Variants in RPS6KC1 observed in about 807,000 individuals in gnomAD.
The protein encoded by RPS6KC1 is inactive ribosomal protein S6 kinase delta-1.
RPS6KC1 carries 54 observed loss-of-function variants against 103.8 expected under a neutral mutation model. The observed-to-expected ratio is 0.52, with a 90% CI of 0.42 to 0.65. The LOEUF (loss-of-function observed/expected upper bound fraction) is 0.65, where lower values mean the gene tolerates loss of function less well. Ranked by LOEUF, RPS6KC1 falls within the 30% of genes least tolerant of loss-of-function variation. The pLI, the probability that RPS6KC1 is intolerant of heterozygous loss-of-function variation, is 0.00. For synonymous variants in RPS6KC1, 439 were observed against 438.7 expected (o/e 1.00, Z -0.01); for missense variants, 1,151 against 1,253.8 (o/e 0.92, Z 1.24).
At chr1:213,777,287 G>A in the RPS6KC1 span, among the ~76,000 whole-genome samples, 4 of 152,068 alleles carry the variant, frequency 2.6e-5, no homozygotes, top group Non-Finnish European at 4.4e-5. Flanking sequence ...TCTAGCTTTC[G>A]ATTTAAAGTG....
the RPS6KC1 span, among the ~76,000 whole-genome samples, chr1:213,567,948 G>T: frequency 6.6e-6 from 1 of 152,158 alleles, no homozygotes; most frequent in Non-Finnish European, 1.5e-5. Flanking sequence ...ATGTCTTTGA[G>T]GAGCCTTTTG....
downstream of RPS6KC1, among the ~76,000 whole-genome samples, chr1:213,278,256 A>G (rs1330435345): frequency 6.6e-6 from 1 of 152,126 alleles, no homozygotes; most frequent in Non-Finnish European, 1.5e-5. Context: ...GGAATCCACA[A>G]GACAGATGTT....
chr1:213,831,951 C>A, the RPS6KC1 span, among the ~76,000 whole-genome samples: 1 of 152,162 alleles, frequency 6.6e-6, no homozygotes, highest in African/African-American at 2.4e-5. Context: ...GATACAGGCT[C>A]CAGCCCACCT....
At chr1:213,398,196 C>CTTTT in the RPS6KC1 span, among the ~76,000 whole-genome samples, 2 of 109,450 alleles carry the variant, frequency 1.8e-5, no homozygotes, top group African/African-American at 4.6e-5. Flanking sequence ...CACACCTGGC[C>CTTTT]TTTTTTTTTT....
At chr1:213,764,930 C>T in the RPS6KC1 span, among the ~76,000 whole-genome samples, 2 of 152,214 alleles carry the variant, frequency 1.3e-5, no homozygotes, top group African/African-American at 4.8e-5. Flanking sequence ...CCATTTCCTT[C>T]CATGAAATCT....
At chr1:213,066,339 C>T (rs554977398) in intron 1 of RPS6KC1, among the ~76,000 whole-genome samples, 1 of 152,340 alleles carries the variant, frequency 6.6e-6, no homozygotes, top group South Asian at 2.1e-4. Flanking sequence ...ACAGTTTTCA[C>T]TAAGCTTTAG....
the RPS6KC1 span, among the ~76,000 whole-genome samples, chr1:213,762,429 T>C: frequency 6.6e-6 from 1 of 152,190 alleles, no homozygotes. Flanking sequence ...ATAAATGTTG[T>C]TGAATGAATG....
chr1:213,314,656 C>CTTTTTTTTTTTTT, the RPS6KC1 span, among the ~76,000 whole-genome samples: 1 of 132,220 alleles, frequency 7.6e-6, no homozygotes. Context: ...ACCACGGTGG[C>CTTTTTTTTTTTTT]TTTTTTTTTT....
At chr1:213,636,774 T>A in the RPS6KC1 span, among the ~76,000 whole-genome samples, 9 of 152,132 alleles carry the variant, frequency 5.9e-5, no homozygotes, top group East Asian at 1.7e-3. Flanking sequence ...TGGGATCTAA[T>A]TAAACTAAAG....
the RPS6KC1 span, among the ~76,000 whole-genome samples, chr1:213,759,333 T>C: frequency 6.6e-6 from 1 of 152,352 alleles, no homozygotes; most frequent in South Asian, 2.1e-4. Flanking sequence ...ACAACTTTTA[T>C]ATGCACTGGA....
the RPS6KC1 span, among the ~76,000 whole-genome samples, chr1:213,413,605 T>C: frequency 7.2e-5 from 11 of 152,244 alleles, no homozygotes; most frequent in Non-Finnish European, 1.0e-4. Flanking sequence ...TATCCATGCG[T>C]ACATCCTCAT....
chr1:213,678,300 C>A, the RPS6KC1 span, among the ~76,000 whole-genome samples: 1 of 152,208 alleles, frequency 6.6e-6, no homozygotes, highest in South Asian at 2.1e-4. Flanking sequence ...GACACACTAG[C>A]CCCTGCATTA....
the RPS6KC1 span, among the ~76,000 whole-genome samples, chr1:213,853,783 A>G: frequency 6.6e-6 from 1 of 152,206 alleles, no homozygotes; most frequent in African/African-American, 2.4e-5. Context: ...GCCAGTCTGG[A>G]GTTGGCTGTG....
At chr1:213,366,639 T>C in the RPS6KC1 span, among the ~76,000 whole-genome samples, 1 of 152,164 alleles carries the variant, frequency 6.6e-6, no homozygotes, top group Non-Finnish European at 1.5e-5. Flanking sequence ...AAGCAGACAG[T>C]GGGCTGGATT....
chr1:213,799,072 G>T, the RPS6KC1 span, among the ~76,000 whole-genome samples: 4 of 152,168 alleles, frequency 2.6e-5, no homozygotes, highest in African/African-American at 9.7e-5. Flanking sequence ...CTGGGTTAAG[G>T]TTACTCTAAG....
At chr1:213,320,763 C>G in the RPS6KC1 span, among the ~76,000 whole-genome samples, 1 of 152,226 alleles carries the variant, frequency 6.6e-6, no homozygotes, top group Non-Finnish European at 1.5e-5. Context: ...TGGGAGACTT[C>G]TGGGGAACCA....
chr1:213,736,690 G>A, the RPS6KC1 span, among the ~76,000 whole-genome samples: 671 of 152,238 alleles, frequency 4.4e-3, 7 homozygotes, highest in Middle Eastern at 0.041. Flanking sequence ...ACCTTACTGG[G>A]ATTCTCTCCC....
rs377025504 is a variant in RPS6KC1, at chr1:213,217,315, A to G, written c.1045-13182A>G. ...TTGACACATACACCCTCCCAAGACT[A>G]AACCAGGAAGAAGTTGAAACTCTGA... On this transcript the variant is annotated intron_variant, in intron 8 of 14. Coordinates refer to ENST00000366960, the MANE Select transcript of RPS6KC1 (RefSeq NM_012424.6). Among the ~76,000 whole-genome samples, 11 of 152,280 alleles carry G rather than the reference A, an allele frequency of 7.2e-5. No homozygotes were observed. The South Asian group carries it at 2.3e-3, about 32-fold the overall frequency.
the RPS6KC1 span, among the ~76,000 whole-genome samples, chr1:213,452,882 T>C: frequency 0.029 from 4,402 of 152,342 alleles, 217 homozygotes; most frequent in African/African-American, 0.1. Context: ...GAATGCCTTG[T>C]ATGATTTGTA....
Sources: allele counts gnomAD v4.1 joint callset (sites outside exome capture counted in the v4.1 genomes callset), GRCh38; gene constraint gnomAD v4.1.1; transcripts MANE v1.5; gene names NCBI Gene and HGNC (gene_info 2026-07-23, HGNC 2026-07-21).